The following PAK5 variants were observed in gnomAD, a reference collection of about 807,000 sequenced individuals.
PAK5 encodes p21 (RAC1) activated kinase 5, also known as serine/threonine-protein kinase PAK 5.
PAK5 carries 16 observed loss-of-function variants against 65.9 expected under a neutral mutation model. The ratio of observed to expected loss-of-function variants is 0.24; its 90% CI spans 0.16 to 0.37. The LOEUF is 0.37. PAK5 is among the 10% of genes least tolerant of loss of function. The pLI is 1.00. For synonymous variants in PAK5, 371 were observed against 354.9 expected, an observed-to-expected ratio of 1.05 and a Z score of -0.51; for missense variants, 785 against 903.9, an observed-to-expected ratio of 0.87 and a Z score of 1.69.
At chr20:9,701,737 G>A (rs2047941669) in intron 2 of PAK5, among the ~76,000 whole-genome samples, 1 of 152,114 alleles carries the variant, frequency 6.6e-6, no homozygotes, top group African/African-American at 2.4e-5. Context: ...GGTAGCTCAT[G>A]TCTGTAATCC....
intron 1 of PAK5, among the ~76,000 whole-genome samples, chr20:9,811,494 G>T (rs2049297793): frequency 1.3e-5 from 2 of 152,158 alleles, no homozygotes; most frequent in South Asian, 4.1e-4. Flanking sequence ...TACAGAGTGA[G>T]AACAGAAGGG....
At chr20:9,621,182 G>A (rs1222927992) in intron 3 of PAK5, among the ~76,000 whole-genome samples, 1 of 152,028 alleles carries the variant, frequency 6.6e-6, no homozygotes, top group African/African-American at 2.4e-5. Flanking sequence ...ATGAGGTTTA[G>A]ACTGACAAGT....
In PAK5 at chr20:9,644,942, A is replaced by G. The variant is rs1045078334; in HGVS notation, c.-11-603T>C. Among the ~76,000 whole-genome samples, 3 of 152,270 alleles carry G rather than the reference A, an allele frequency of 2.0e-5. No homozygotes were observed. The East Asian group carries it at 5.8e-4, about 29-fold the overall frequency. Reference sequence around the variant, plus strand: ...ACCAGTACACAGGGAGAAACATTTCAAAGTTTGGTATGTAGTTAAAATCCA... The same window carrying G: ...ACCAGTACACAGGGAGAAACATTTCGAAGTTTGGTATGTAGTTAAAATCCA... On this transcript the variant is annotated intron_variant, in intron 2 of 9. Transcript: ENST00000353224.
At chr20:9,708,525 T>A (rs1015097697) in intron 2 of PAK5, among the ~76,000 whole-genome samples, 3 of 152,196 alleles carry the variant, frequency 2.0e-5, no homozygotes, top group Admixed American at 6.5e-5. Context: ...ATTCATATGA[T>A]CATGATCATC....
chr20:9,836,822 C>T (rs763930750), intron 1 of PAK5, among the ~76,000 whole-genome samples: 7 of 152,076 alleles, frequency 4.6e-5, no homozygotes, highest in Non-Finnish European at 7.4e-5. Flanking sequence ...ATGATTAATC[C>T]GTACATCTAC....
At chr20:9,593,475 A>T (rs1386375571) in intron 3 of PAK5, among the ~76,000 whole-genome samples, 2 of 152,032 alleles carry the variant, frequency 1.3e-5, no homozygotes, top group African/African-American at 4.8e-5. Flanking sequence ...TTTTACTTTA[A>T]GTTCTGGTAT....
chr20:9,745,628 C>T (rs1476778650), intron 1 of PAK5, among the ~76,000 whole-genome samples: 1 of 152,014 alleles, frequency 6.6e-6, no homozygotes, highest in East Asian at 1.9e-4. Flanking sequence ...GCCTCTTTAC[C>T]TGTAATGTGT....
chr20:9,718,694 T>G (rs953328583), intron 1 of PAK5, among the ~76,000 whole-genome samples: 2 of 152,178 alleles, frequency 1.3e-5, no homozygotes, highest in African/African-American at 4.8e-5. Context: ...AACATATTTT[T>G]TAACCTATTG....
intron 2 of PAK5, among the ~76,000 whole-genome samples, chr20:9,649,015 T>C (rs990331322): frequency 2.0e-5 from 3 of 152,204 alleles, no homozygotes; most frequent in African/African-American, 7.2e-5. Context: ...CTCCTTCCAC[T>C]CCTCAGTGTC....
intron 1 of PAK5, among the ~76,000 whole-genome samples, chr20:9,741,196 A>G (rs1192957439): frequency 1.3e-5 from 2 of 152,176 alleles, no homozygotes; most frequent in African/African-American, 4.8e-5. Flanking sequence ...GCTCCATGAG[A>G]CCCAGTAAAG....
chr20:9,736,927 G>C (rs1310539573), intron 1 of PAK5, among the ~76,000 whole-genome samples: 1 of 151,886 alleles, frequency 6.6e-6, no homozygotes, highest in African/African-American at 2.4e-5. Context: ...GAAAATATAT[G>C]AACAGAGAAA....
rs1025947544 is a variant in PAK5 at position 9,598,382 on chromosome 20, C to T, written c.205-17452G>A. Among the ~76,000 whole-genome samples the T allele has an allele frequency of 6.6e-5, 10 of 152,086 alleles. No homozygotes were observed. The East Asian group carries it at 1.3e-3, about 20-fold the overall frequency. On this transcript the variant is annotated intron_variant, in intron 3 of 9. Transcript: ENST00000353224. ...CATTGATGGGTATTTGGCTTGATCC[C>T]GTGTCTTTGCTATTGCAGATAGTGC...
At chr20:9,546,130 T>C (rs1332102039) in intron 7 of PAK5, among the ~76,000 whole-genome samples, 2 of 152,178 alleles carry the variant, frequency 1.3e-5, no homozygotes, top group Non-Finnish European at 2.9e-5. Flanking sequence ...AGATTCCCCC[T>C]GCCACACATG....
At chr20:9,561,891 C>G (rs1302863152) in intron 6 of PAK5, among the ~76,000 whole-genome samples, 4 of 152,186 alleles carry the variant, frequency 2.6e-5, no homozygotes, top group Non-Finnish European at 5.9e-5. Context: ...GTCCATGAAC[C>G]AGCAGCATTG....
intron 3 of PAK5, among the ~76,000 whole-genome samples, chr20:9,633,157 T>G (rs1047788676): frequency 4.6e-5 from 7 of 152,124 alleles, no homozygotes; most frequent in African/African-American, 1.7e-4. Context: ...ATGCAGGCAG[T>G]CTGTCATCTA....
At chr20:9,759,520 C>T (rs1402834484) in intron 1 of PAK5, among the ~76,000 whole-genome samples, 2 of 152,128 alleles carry the variant, frequency 1.3e-5, no homozygotes, top group Non-Finnish European at 2.9e-5. Flanking sequence ...TTCCTGGCCA[C>T]ACCCCAGTGA....
intron 2 of PAK5, among the ~76,000 whole-genome samples, chr20:9,699,279 T>C (rs1461196371): frequency 6.6e-6 from 1 of 152,176 alleles, no homozygotes; most frequent in Non-Finnish European, 1.5e-5. Context: ...TGGTTTTTAC[T>C]GCAGATTCTC....
In PAK5 at chr20:9,636,466, G is replaced by A. The variant is rs887098035; in HGVS notation, c.204+7659C>T. On this transcript the variant is annotated intron_variant, in intron 3 of 9. Transcript: ENST00000353224. The stretch of plus-strand genomic sequence containing the variant: ...GTACTCAGCAGCAGTCGATAAAAAA[G>A]GAAGAGACAGAACCTCAGCTTTGAA... Among the ~76,000 whole-genome samples the A allele has an allele frequency of 7.9e-5, 12 of 152,074 alleles. 1 individual carries two copies. Among genetic ancestry groups the A allele is most frequent in the African/African-American group, 2.9e-4 (12 of 41,412 alleles).
chr20:9,633,835 C>T (rs541735995), intron 3 of PAK5, among the ~76,000 whole-genome samples: 4 of 152,128 alleles, frequency 2.6e-5, no homozygotes, highest in Non-Finnish European at 4.4e-5. Context: ...TGAGAAGAGG[C>T]CTTCAGGGAT....
Sources: gnomAD v4.1 joint callset for allele counts (sites outside exome capture counted in the v4.1 genomes callset) on GRCh38, gnomAD v4.1.1 for gene constraint, MANE v1.5 for transcripts, NCBI Gene and HGNC (gene_info 2026-07-23, HGNC 2026-07-21) for gene names.